TMEM132D: variants seen among roughly 807,000 people sequenced by gnomAD.
TMEM132D encodes mature OL transmembrane protein.
TMEM132D carries 21 observed loss-of-function variants against 62.3 expected under a neutral mutation model. That is an observed-to-expected ratio of 0.34 (90% confidence interval 0.24 to 0.49). The LOEUF (loss-of-function observed/expected upper bound fraction) is 0.49. TMEM132D is among the 20% of genes least tolerant of loss of function. The pLI is 0.99. For missense variants in TMEM132D, 1,346 were observed against 1,402.8 expected (o/e 0.96, Z 0.65); for synonymous variants, 621 against 575.6 (o/e 1.08, Z -1.13).
chr12:129,903,427 G>A lies in TMEM132D; in HGVS notation c.-88C>T. ...CTCAGTCCCCTAGAGGCCCGCAGCG[G>A]GGCCGGTGGCGAGGGAGCGCCCGGC... On this transcript the variant is annotated 5_prime_UTR_variant, in exon 1 of 9. Transcript: ENST00000422113. This position sits in a 1 kb window ranked among gnomAD's most constrained non-coding sequence, Gnocchi z 6.2. The A allele has an allele frequency of 7.0e-7, 1 of 1,423,176 alleles. No homozygotes were observed. Among genetic ancestry groups the A allele is most frequent in the Non-Finnish European group, 9.6e-7 (1 of 1,038,770 alleles). 88.2% of individuals were successfully genotyped at this position (1,423,176 alleles called of 1,614,324 possible).
At position 129,229,145 on chromosome 12, in the gene TMEM132D, T is replaced by G. The variant is rs61362844; in HGVS notation, c.1300-19482A>C. Among the ~76,000 whole-genome samples, 507 of 152,326 alleles carry G rather than the reference T, an allele frequency of 3.3e-3. 4 individuals are homozygous for G. Among genetic ancestry groups the G allele is most frequent in the African/African-American group, 0.012 (490 of 41,560 alleles). ...GTTGTCCAGTTCCAACAACGGAGGC[T>G]AAAACTTATAAGAAATGTGACAGGC... On this transcript the variant is annotated intron_variant, in intron 4 of 8. Transcript: ENST00000422113.
At chr12:129,886,093 CAATTAT>C (rs1874741587) in intron 1 of TMEM132D, among the ~76,000 whole-genome samples, 1 of 152,168 alleles carries the variant, frequency 6.6e-6, no homozygotes, top group Non-Finnish European at 1.5e-5. Flanking sequence ...GGTGTCATTA[CAATTAT>C]GACTGTTACA....
At chr12:129,285,539 A>AAAG (rs56018646) in intron 4 of TMEM132D, among the ~76,000 whole-genome samples, 3 of 90,030 alleles carry the variant, frequency 3.3e-5, no homozygotes, top group Non-Finnish European at 6.4e-5. Context: ...AAAAAAAAAA[A>AAAG]AGAGAGAGAG....
chr12:129,514,127 C>A (rs974200664), intron 3 of TMEM132D, among the ~76,000 whole-genome samples: 1 of 152,072 alleles, frequency 6.6e-6, no homozygotes, highest in Admixed American at 6.6e-5. Context: ...GCGTGAGCCA[C>A]CGAGCCCGGC....
intron 3 of TMEM132D, among the ~76,000 whole-genome samples, chr12:129,512,872 C>G (rs6416186): frequency 3.3e-5 from 5 of 151,958 alleles, no homozygotes; most frequent in Non-Finnish European, 5.9e-5. Flanking sequence ...CTTCAGAAGT[C>G]ACATGCCATC....
chr12:129,220,791 T>C (rs1392946513), intron 4 of TMEM132D, among the ~76,000 whole-genome samples: 1 of 151,756 alleles, frequency 6.6e-6, no homozygotes, highest in Non-Finnish European at 1.5e-5. Context: ...TTACGTTTCA[T>C]GGAAAAAGAA....
chr12:129,207,757 A>AT (rs55762140), intron 5 of TMEM132D, among the ~76,000 whole-genome samples: 4 of 150,286 alleles, frequency 2.7e-5, no homozygotes, highest in Admixed American at 6.6e-5. Context: ...AAGCCAGTGA[A>AT]TTTTTTTTAT....
chr12:129,437,624 C>T (rs1328604259), intron 3 of TMEM132D, among the ~76,000 whole-genome samples: 1 of 152,168 alleles, frequency 6.6e-6, no homozygotes, highest in Non-Finnish European at 1.5e-5. Context: ...ACTGGCATAA[C>T]CACTTTGGAA....
At chr12:129,530,892 C>T (rs1214195921) in intron 3 of TMEM132D, among the ~76,000 whole-genome samples, 167 bp downstream of exon 3, 2 of 151,436 alleles carry the variant, frequency 1.3e-5, no homozygotes, top group Non-Finnish European at 2.9e-5. Flanking sequence ...CCCACCTTTC[C>T]CAAATGAAAG....
intron 5 of TMEM132D, among the ~76,000 whole-genome samples, chr12:129,129,166 T>G (rs551413608): frequency 6.6e-6 from 1 of 152,252 alleles, no homozygotes; most frequent in Non-Finnish European, 1.5e-5. Flanking sequence ...AGTAGTCCCC[T>G]GTGTCTATTG....
intron 1 of TMEM132D, among the ~76,000 whole-genome samples, chr12:129,851,042 T>G (rs1873521849): frequency 6.6e-6 from 1 of 152,184 alleles, no homozygotes; most frequent in Admixed American, 6.5e-5. Flanking sequence ...CAATATTTAC[T>G]TCAAAAAGGG....
At position 129,647,133 on chromosome 12, in the gene TMEM132D, T is replaced by C. The variant is rs866392978; in HGVS notation, c.968+52677A>G. ...TTATACATACATACATATATATATA[T>C]ATATATATACTCACAAACAAAACAG... On this transcript the variant is annotated intron_variant, in intron 2 of 8. Coordinates refer to ENST00000422113, the MANE Select transcript of TMEM132D (RefSeq NM_133448.3). 1.3e-3 allele frequency among the ~76,000 whole-genome samples: 203 copies of C among 151,484 alleles called. 1 individual carries two copies. The highest frequency in any genetic ancestry group is 4.7e-3 in the African/African-American group (193 of 41,266).
intron 1 of TMEM132D, among the ~76,000 whole-genome samples, chr12:129,799,020 C>G (rs1472454237): frequency 6.6e-6 from 1 of 152,196 alleles, no homozygotes; most frequent in Non-Finnish European, 1.5e-5. Flanking sequence ...AATCCCAGCA[C>G]TCTGGGAGGC....
intron 3 of TMEM132D, among the ~76,000 whole-genome samples, chr12:129,464,304 CCA>C: frequency 6.6e-6 from 1 of 152,200 alleles, no homozygotes; most frequent in Non-Finnish European, 1.5e-5. Context: ...TATCCTTCGC[CCA>C]CTTTTTGATG....
chr12:129,330,752 C>T (rs935279418), intron 4 of TMEM132D, among the ~76,000 whole-genome samples: 2 of 152,186 alleles, frequency 1.3e-5, no homozygotes, highest in Non-Finnish European at 2.9e-5. Context: ...TCTCAGCCTC[C>T]ATAACTTTAA....
At chr12:129,625,886 G>A (rs1026723007) in intron 2 of TMEM132D, among the ~76,000 whole-genome samples, 1 of 152,168 alleles carries the variant, frequency 6.6e-6, no homozygotes, top group Non-Finnish European at 1.5e-5. Flanking sequence ...GATGGCTGCT[G>A]TCAAAAATTA....
chr12:129,538,211 C>A (rs1377675405), intron 2 of TMEM132D, among the ~76,000 whole-genome samples: 1 of 152,136 alleles, frequency 6.6e-6, no homozygotes, highest in African/African-American at 2.4e-5. Context: ...AAAACAAAAA[C>A]AAAAAAACTC....
intron 4 of TMEM132D, among the ~76,000 whole-genome samples, chr12:129,218,994 G>T (rs1879283198): frequency 6.6e-6 from 1 of 152,156 alleles, no homozygotes; most frequent in Admixed American, 6.5e-5. Flanking sequence ...GGGGTTACAG[G>T]TTTCCCCGGG....
At chr12:129,725,355 A>C (rs1393993800) in intron 1 of TMEM132D, among the ~76,000 whole-genome samples, 1 of 152,244 alleles carries the variant, frequency 6.6e-6, no homozygotes, top group Admixed American at 6.5e-5. Context: ...AAAAAATAAA[A>C]AATAAAAGCT....
Sources: gnomAD v4.1 joint callset for allele counts (sites outside exome capture counted in the v4.1 genomes callset) on GRCh38, gnomAD v4.1.1 for gene constraint, Gnocchi (gnomAD v3.1) non-coding constraint, MANE v1.5 for transcripts, NCBI Gene and HGNC (gene_info 2026-07-23, HGNC 2026-07-21) for gene names.